ARHGAP20: variants seen among roughly 807,000 people sequenced by gnomAD.
ARHGAP20 encodes the protein Rho GTPase activating protein 20, also known as rho GTPase-activating protein 20.
Under a neutral mutation model 73.7 loss-of-function variants are expected in ARHGAP20, and 34 were observed. That is an observed-to-expected ratio of 0.46 (90% CI 0.35 to 0.61). The LOEUF (loss-of-function observed/expected upper bound fraction) is 0.61. Ranked by LOEUF, ARHGAP20 falls within the 20% of genes least tolerant of loss-of-function variation. The pLI is 0.00. For missense variants in ARHGAP20, 1,314 were observed against 1,420.9 expected, an observed-to-expected ratio of 0.92 and a Z score of 1.21; for synonymous variants, 523 against 518.2, an observed-to-expected ratio of 1.01 and a Z score of -0.13.
intron 9 of ARHGAP20, among the ~76,000 whole-genome samples, chr11:110,601,859 A>G (rs1018316225): frequency 6.6e-6 from 1 of 151,898 alleles, no homozygotes; most frequent in Non-Finnish European, 1.5e-5. Context: ...ATTTGGTGGC[A>G]GGCGCCTGTA....
intron 2 of ARHGAP20, among the ~76,000 whole-genome samples, chr11:110,660,114 A>G (rs1287641055): frequency 1.3e-5 from 2 of 151,826 alleles, no homozygotes; most frequent in African/African-American, 4.8e-5. Flanking sequence ...CAAATTTTTA[A>G]GCCTATATCA....
At chr11:110,629,053 G>T (rs1239834808) in intron 3 of ARHGAP20, among the ~76,000 whole-genome samples, 1 of 152,114 alleles carries the variant, frequency 6.6e-6, no homozygotes, top group Non-Finnish European at 1.5e-5. Context: ...CAAAAAAGGT[G>T]AAGGAAAATA....
At chr11:110,670,243 T>C (rs1393122236) in intron 2 of ARHGAP20, among the ~76,000 whole-genome samples, 2 of 151,820 alleles carry the variant, frequency 1.3e-5, no homozygotes, top group African/African-American at 4.8e-5. Context: ...CAAAAATAAA[T>C]CAATGAAATA....
chr11:110,685,770 C>T (rs1950121002), intron 2 of ARHGAP20, among the ~76,000 whole-genome samples: 1 of 152,082 alleles, frequency 6.6e-6, no homozygotes, highest in Non-Finnish European at 1.5e-5. Context: ...TAGTAAGGTT[C>T]TACAGCAATG....
At chr11:110,697,109 T>C (rs1365364516) in intron 1 of ARHGAP20, among the ~76,000 whole-genome samples, 2 of 151,452 alleles carry the variant, frequency 1.3e-5, no homozygotes, top group African/African-American at 2.4e-5. Context: ...AGATACCCAG[T>C]AGTGGGATTG....
At chr11:110,637,907 A>G (rs1488551874) in intron 2 of ARHGAP20, among the ~76,000 whole-genome samples, 1 of 152,114 alleles carries the variant, frequency 6.6e-6, no homozygotes, top group Non-Finnish European at 1.5e-5. Flanking sequence ...CTTGTGCTTC[A>G]GTAACTGGAA....
intron 4 of ARHGAP20, among the ~76,000 whole-genome samples, chr11:110,619,317 GTATGCAGTGATAGGGTA>G (rs1277907424): frequency 3.6e-5 from 5 of 138,594 alleles, no homozygotes; most frequent in East Asian, 2.3e-4. Flanking sequence ...TATGTAGAGT[GTATGCAGTGATAGGGTA>G]TATGCAGTGA....
Position 110,578,089 on chromosome 11 carries a change from C to CTGAT in ARHGAP20, c.*1277_*1280dup. Reference sequence around the variant, plus strand: ...ATCCCTGCATACTAGTTGGCAAGGCCTGATAATCTATTCCTAGGTGACGAG... The same window carrying CTGAT: ...ATCCCTGCATACTAGTTGGCAAGGCCTGATTGATAATCTATTCCTAGGTGACGAG... On this transcript the variant is annotated 3_prime_UTR_variant, in exon 15 of 15. Transcript: ENST00000683387. 1.0e-6 allele frequency: 1 copy of CTGAT among 985,376 alleles called. No homozygotes were observed. 61.0% of individuals were successfully genotyped at this position (985,376 alleles called of 1,614,324 possible).
intron 5 of ARHGAP20, among the ~76,000 whole-genome samples, chr11:110,615,279 G>A (rs185798595): frequency 1.3e-5 from 2 of 152,304 alleles, no homozygotes; most frequent in East Asian, 3.9e-4. Context: ...ACAATGGAAA[G>A]AGAGAGGAGA....
chr11:110,602,000 T>G (rs1209699107), intron 9 of ARHGAP20, among the ~76,000 whole-genome samples: 1 of 151,504 alleles, frequency 6.6e-6, no homozygotes, highest in Non-Finnish European at 1.5e-5. Context: ...AAAAAAAAAT[T>G]TTACTGTCTA....
At chr11:110,603,772 C>T (rs1591309217) in intron 9 of ARHGAP20, among the ~76,000 whole-genome samples, 1 of 152,090 alleles carries the variant, frequency 6.6e-6, no homozygotes, top group Non-Finnish European at 1.5e-5. Context: ...CAAAATTCTA[C>T]AAATGCCATA....
intron 1 of ARHGAP20, among the ~76,000 whole-genome samples, chr11:110,703,506 T>C (rs1011224715): frequency 1.1e-4 from 17 of 152,088 alleles, no homozygotes; most frequent in African/African-American, 3.6e-4. Flanking sequence ...TATTCATTCA[T>C]ATATATGGAT....
intron 9 of ARHGAP20, among the ~76,000 whole-genome samples, chr11:110,593,225 G>A (rs1947872549): frequency 6.6e-6 from 1 of 152,060 alleles, no homozygotes; most frequent in South Asian, 2.1e-4. Flanking sequence ...AAAAGAACAG[G>A]CAGAAGAAAG....
intron 6 of ARHGAP20, among the ~76,000 whole-genome samples, chr11:110,613,809 G>T (rs1948423046): frequency 6.6e-6 from 1 of 152,038 alleles, no homozygotes; most frequent in African/African-American, 2.4e-5. Context: ...TAACTATTTT[G>T]CACTACATAT....
chr11:110,598,854 A>G (rs758007793), intron 9 of ARHGAP20, among the ~76,000 whole-genome samples: 3 of 152,086 alleles, frequency 2.0e-5, no homozygotes, highest in Non-Finnish European at 4.4e-5. Context: ...GGACCCTGGA[A>G]TCCCTGGGCT....
chr11:110,672,798 G>A (rs777488621), intron 2 of ARHGAP20, among the ~76,000 whole-genome samples: 49 of 152,138 alleles, frequency 3.2e-4, no homozygotes, highest in Non-Finnish European at 5.1e-4. Context: ...TAAATGGTAC[G>A]ACTACTTTAG....
intron 2 of ARHGAP20, among the ~76,000 whole-genome samples, chr11:110,684,091 C>T (rs1328458776): frequency 6.6e-6 from 1 of 152,002 alleles, no homozygotes; most frequent in Non-Finnish European, 1.5e-5. Context: ...GAACTATGAA[C>T]AATAAATGTC....
chr11:110,611,181 T>C (rs1417217014), intron 7 of ARHGAP20, 128 bp downstream of exon 7: 1 of 536,642 alleles, frequency 1.9e-6, no homozygotes, highest in Non-Finnish European at 3.2e-6. Context: ...TTTTCTATAT[T>C]TTGGGGAATA....
intron 2 of ARHGAP20, among the ~76,000 whole-genome samples, chr11:110,664,349 CATAT>C (rs113832520): frequency 6.6e-6 from 1 of 151,402 alleles, no homozygotes; most frequent in South Asian, 2.1e-4. Flanking sequence ...GGATATAAGA[CATAT>C]ATATATATAC....
Sources: gnomAD v4.1 joint callset for allele counts (sites outside exome capture counted in the v4.1 genomes callset) on GRCh38, gnomAD v4.1.1 for gene constraint, MANE v1.5 for transcripts, NCBI Gene and HGNC (gene_info 2026-07-23, HGNC 2026-07-21) for gene names.